The following DPY19L4 variants were observed in gnomAD, a reference collection of about 807,000 sequenced individuals.
The protein encoded by DPY19L4 is dpy-19 like 4.
Under a neutral mutation model 102.8 loss-of-function variants are expected in DPY19L4, and 97 were observed. The ratio of observed to expected loss-of-function variants is 0.94; its 90% CI spans 0.80 to 1.12. DPY19L4 has a LOEUF of 1.12. Ranked by LOEUF, DPY19L4 falls within the 50% of genes most tolerant of loss-of-function variation. DPY19L4 has a pLI of 0.00. For missense variants in DPY19L4, 815 were observed against 850.4 expected (o/e 0.96, Z 0.52); for synonymous variants, 252 against 283.1 (o/e 0.89, Z 1.10).
rs144869202 is a variant in DPY19L4, at chr8:94,739,475, C to T, written c.406C>T (p.Gln136Ter). Reference sequence around the variant, plus strand: ...TCTGAAGACTATAAATGCAGTGCAGCAAATGTCTCTGTATCCGGAACTTAT... The same window carrying T: ...TCTGAAGACTATAAATGCAGTGCAGTAAATGTCTCTGTATCCGGAACTTAT... ...VSLKTINAVQ[Q>*]MSLYPELIAS... Residue 136 changes from glutamine (Q) to a stop codon, truncating the protein, a stop_gained, in exon 5 of 19, where the codon CAA (glutamine) becomes TAA (stop). Transcript: ENST00000414645. LOFTEE classifies it high-confidence loss of function. 6.2e-7 allele frequency: 1 copy of T among 1,609,170 alleles called. No homozygotes were observed. The highest frequency in any genetic ancestry group is 1.3e-5 in the African/African-American group (1 of 74,734).
At chr8:94,785,376 A>G (rs181031628) in intron 17 of DPY19L4, among the ~76,000 whole-genome samples, 337 of 152,346 alleles carry the variant, frequency 2.2e-3, no homozygotes, top group Admixed American at 5.2e-3. Context: ...TCCGCCTACA[A>G]AAGTCTAAGA....
In DPY19L4 at chr8:94,765,696, A is replaced by G. The variant is rs539039408; in HGVS notation, c.1003-15A>G. ...AACACCTCACTTCTTTGTTCATATGATTTTTCCTCCACAGCTGAATGTGAA... is the reference window on the plus strand; with the variant it reads ...AACACCTCACTTCTTTGTTCATATGGTTTTTCCTCCACAGCTGAATGTGAA... On this transcript the variant is annotated splice_polypyrimidine_tract_variant and intron_variant, in intron 9 of 18. Transcript: ENST00000414645. 6.4e-7 allele frequency: 1 copy of G among 1,553,920 alleles called. No homozygotes were observed. Among genetic ancestry groups the G allele is most frequent in the African/African-American group, 1.4e-5 (1 of 71,868 alleles).
At position 94,728,024 on chromosome 8, in the gene DPY19L4, C is replaced by T. The variant is rs556176002; in HGVS notation, c.127+1583C>T. On this transcript the variant is annotated intron_variant, in intron 2 of 18. Transcript: ENST00000414645. Reference sequence around the variant, plus strand: ...TCACCCAGGCAGGAGTGCCATGGTGCGGTCTCTGCTTACTGCAACCTCCAT... The same window carrying T: ...TCACCCAGGCAGGAGTGCCATGGTGTGGTCTCTGCTTACTGCAACCTCCAT... 6.6e-4 allele frequency among the ~76,000 whole-genome samples: 100 copies of T among 152,188 alleles called. 2 individuals are homozygous for T. In the South Asian group the frequency reaches 0.019, roughly 30 times the overall value.
At chr8:94,754,691 T>C (rs1025322143) in intron 6 of DPY19L4, among the ~76,000 whole-genome samples, 1 of 152,194 alleles carries the variant, frequency 6.6e-6, no homozygotes, top group African/African-American at 2.4e-5. Context: ...GGATAGGTAG[T>C]CCCCTTGTGG....
Position 94,766,702 on chromosome 8 carries a change from G to GT in DPY19L4, c.1175+18dup. 6.3e-7 allele frequency: 1 copy of GT among 1,597,924 alleles called. No homozygotes were observed. Among genetic ancestry groups the GT allele is most frequent in the East Asian group, 2.2e-5 (1 of 44,776 alleles). On this transcript the variant is annotated intron_variant, in intron 11 of 18. Coordinates refer to ENST00000414645, the MANE Select transcript of DPY19L4 (RefSeq NM_181787.3). ...TATGACCAAGTAAGTTTTAGATTAT[G>GT]TAAGTTTACCTAAATCGATACCACT... is the stretch of plus-strand genomic sequence containing the variant.
At chr8:94,721,909 G>C (rs966974799) in intron 1 of DPY19L4, among the ~76,000 whole-genome samples, 1 of 152,168 alleles carries the variant, frequency 6.6e-6, no homozygotes, top group African/African-American at 2.4e-5. Flanking sequence ...AGAAGTTCGA[G>C]ACCAGCCTGG....
At chr8:94,744,942 G>T (rs189178081) in intron 6 of DPY19L4, 97 of 220,140 alleles carry the variant, frequency 4.4e-4, no homozygotes, top group Non-Finnish European at 7.8e-4. Context: ...TATTTTATTG[G>T]TATGTATCTT....
rs1586355399 is a variant in DPY19L4 at position 94,750,834 on chromosome 8, G to C, written c.612-5202G>C. On this transcript the variant is annotated intron_variant, in intron 6 of 18. Transcript: ENST00000414645. ...ATCTCACTCTGTCACCCAGGCTGGA[G>C]TGCAGTGGCGCAATCTCGGCTCACT... Among the ~76,000 whole-genome samples, 9 of 150,806 alleles carry C rather than the reference G, an allele frequency of 6.0e-5. No individual in the cohort carries two copies. The East Asian group carries it at 1.6e-3, about 26-fold the overall frequency.
intron 3 of DPY19L4, among the ~76,000 whole-genome samples, chr8:94,735,503 C>T (rs1811152853): frequency 6.6e-6 from 1 of 152,156 alleles, no homozygotes; most frequent in Non-Finnish European, 1.5e-5. Context: ...AGATTAACTG[C>T]AGTTCTCAAC....
intron 1 of DPY19L4, among the ~76,000 whole-genome samples, chr8:94,721,879 C>T (rs1205603079): frequency 6.6e-6 from 1 of 151,818 alleles, no homozygotes. Context: ...GAGGCCAAGG[C>T]GAGTGGATCA....
chr8:94,752,415 CT>C (rs958019413), intron 6 of DPY19L4, among the ~76,000 whole-genome samples: 1 of 151,368 alleles, frequency 6.6e-6, no homozygotes, highest in Admixed American at 6.6e-5. Context: ...GTGAAACCCC[CT>C]CTCTACTAAA....
chr8:94,774,822 C>T (rs1813099742), intron 13 of DPY19L4, among the ~76,000 whole-genome samples: 1 of 152,084 alleles, frequency 6.6e-6, no homozygotes, highest in Admixed American at 6.5e-5. Context: ...GGTGATCTGC[C>T]CGCCTCGGCC....
At chr8:94,745,123 C>T (rs1295982788) in intron 6 of DPY19L4, 1 of 154,434 alleles carries the variant, frequency 6.5e-6, no homozygotes, top group East Asian at 1.9e-4. Context: ...TTACTTGTTC[C>T]TTAACACTGG....
chr8:94,781,160 G>A lies in DPY19L4; in HGVS notation c.1709G>A (p.Trp570Ter). 1.3e-6 allele frequency: 2 copies of A among 1,586,790 alleles called. No homozygotes were observed. Among genetic ancestry groups the A allele is most frequent in the Non-Finnish European group, 1.7e-6 (2 of 1,171,258 alleles). ...YDPDTVELMT[W>*]IKRQAPVAAV... ...CCAGATACAGTGGAACTTATGACCT[G>A]GATAAAGTAAGGATTGAAGTGCCCA... The change falls in exon 16 of 19, where the codon TGG becomes TAG. Residue 570 changes from tryptophan (W) to a stop codon, truncating the protein, a stop_gained. Transcript: ENST00000414645. LOFTEE classifies it high-confidence loss of function.
In DPY19L4 at chr8:94,739,421, G is replaced by A. The variant is rs773985243; in HGVS notation, c.352G>A (p.Glu118Lys). 7.6e-6 allele frequency: 12 copies of A among 1,577,358 alleles called. No individual in the cohort carries two copies. Among genetic ancestry groups the A allele is most frequent in the African/African-American group, 4.1e-5 (3 of 72,906 alleles). ...KAPSFERGVY[E>K]LTHNNKTVSL... ...AATCTTTCTGTCTTTAGGTGTTTAC[G>A]AACTGACACACAATAACAAAACTGT... Residue 118 changes from glutamate (E) to lysine (K), a missense_variant, in exon 5 of 19, where the codon GAA becomes AAA. Physicochemically the swap from Glu to Lys is moderately conservative, Grantham distance 56. Transcript: ENST00000414645.
intron 14 of DPY19L4, among the ~76,000 whole-genome samples, 157 bp from the exon 15 acceptor site, chr8:94,780,202 A>G (rs555935383): frequency 6.6e-6 from 1 of 152,226 alleles, no homozygotes; most frequent in South Asian, 2.1e-4. Flanking sequence ...GTTTTCACCC[A>G]TCTCATTCTG....
rs548020220 is a variant in DPY19L4 at position 94,757,607 on chromosome 8, A to T, written c.735+1448A>T. ...GTATTTTTAGTAGAGACGGGGTATCACTATGTTGGCCAGTCTGGCCTCGAA... is the reference window on the plus strand; with the variant it reads ...GTATTTTTAGTAGAGACGGGGTATCTCTATGTTGGCCAGTCTGGCCTCGAA... On this transcript the variant is annotated intron_variant, in intron 7 of 18. Transcript: ENST00000414645. Among the ~76,000 whole-genome samples the T allele has an allele frequency of 1.4e-4, 21 of 152,116 alleles. No homozygotes were observed. The South Asian group carries it at 1.7e-3, about 12-fold the overall frequency.
At chr8:94,733,157 G>A (rs1299777468) in intron 2 of DPY19L4, among the ~76,000 whole-genome samples, 3 of 114,848 alleles carry the variant, frequency 2.6e-5, no homozygotes, top group Non-Finnish European at 4.9e-5. Context: ...ACAGAGTCTC[G>A]CTCTGTCGCC....
At chr8:94,739,281 TG>T in intron 4 of DPY19L4, 131 bp from the exon 5 acceptor site, 1 of 1,137,010 alleles carries the variant, frequency 8.8e-7, no homozygotes, top group Non-Finnish European at 1.2e-6. Flanking sequence ...TTTTAAAAAA[TG>T]GAAAATGCAG....
Sources: gnomAD v4.1 joint callset for allele counts (sites outside exome capture counted in the v4.1 genomes callset) on GRCh38, gnomAD v4.1.1 for gene constraint, MANE v1.5 for transcripts, NCBI Gene and HGNC (gene_info 2026-07-23, HGNC 2026-07-21) for gene names.